UBA52: variants seen among roughly 807,000 people sequenced by gnomAD.
UBA52 encodes ubiquitin-ribosomal protein eL40 fusion protein.
A neutral mutation model predicts 15.3 loss-of-function variants in UBA52; 1 was observed. The observed-to-expected ratio is 0.07, with a 90% CI of 0.02 to 0.31. The LOEUF (loss-of-function observed/expected upper bound fraction) is 0.31. UBA52 is among the 10% of genes least tolerant of loss of function. The probability of loss-of-function intolerance (pLI) is 1.00; values close to 1 mark genes in which losing one functional copy is unlikely to be tolerated. For synonymous variants in UBA52, 50 were observed against 58.3 expected (o/e 0.86, Z 0.65); for missense variants, 87 against 168.0 (o/e 0.52, Z 2.66).
At chr19:18,572,875 A>T (rs1975571767) in intron 1 of UBA52, 1 of 1,055,504 alleles carries the variant, frequency 9.5e-7, no homozygotes, top group South Asian at 3.0e-5. Context: ...CAGCAGGAGC[A>T]GCCTGTGCAG....
upstream of UBA52, chr19:18,569,347 A>T (rs1975407077): frequency 1.3e-5 from 2 of 152,640 alleles, no homozygotes; most frequent in South Asian, 2.1e-4. Context: ...GGAAGTTATC[A>T]ATAAAAAGAC....
upstream of UBA52, chr19:18,567,339 G>C: frequency 2.8e-6 from 2 of 713,148 alleles, no homozygotes; most frequent in South Asian, 3.3e-5. Context: ...TGCTGGCCTG[G>C]TCCTGTCAGC....
the UBA52 span, chr19:18,565,230 GTTT>G: frequency 8.2e-4 from 889 of 1,086,816 alleles, no homozygotes; most frequent in South Asian, 2.1e-3. Context: ...TCGAGACAGA[GTTT>G]TTTTTTTTTT....
At chr19:18,568,335 A>G, upstream of UBA52, 1 of 1,207,800 alleles carries the variant, frequency 8.3e-7, no homozygotes, top group Admixed American at 1.8e-5. Context: ...GGTCACATGG[A>G]CAATAAGTCC....
chr19:18,564,993 G>A, the UBA52 span: 1 of 1,608,206 alleles, frequency 6.2e-7, no homozygotes, highest in Non-Finnish European at 8.5e-7. Context: ...GATGAAACGG[G>A]ACCTGGACAG....
upstream of UBA52, among the ~76,000 whole-genome samples, chr19:18,570,630 G>C (rs1235808149): frequency 2.0e-5 from 3 of 148,946 alleles, no homozygotes; most frequent in Non-Finnish European, 4.4e-5. Context: ...TCCTGCCTCA[G>C]CCTCCTGAGT....
intron 1 of UBA52, 100 bp downstream of exon 1, chr19:18,572,009 G>C (rs1021105163): frequency 1.3e-5 from 2 of 152,352 alleles, no homozygotes; most frequent in Admixed American, 6.5e-5. Context: ...GGCCAGTCTC[G>C]GCAGGGTGGC....
chr19:18,568,585 T>G, upstream of UBA52: 1 of 1,613,174 alleles, frequency 6.2e-7, no homozygotes, highest in Non-Finnish European at 8.5e-7. Context: ...TCCCCAGCCA[T>G]CAACGGCCGC....
rs1296848312 is a variant in UBA52, at chr19:18,576,663, T to A, written c.*1513T>A. ...TGTTTAGTTTTGGTTTTTTATCACT[T>A]TTTTTTTTTTTTTTTGAGATGGAGC... On this transcript the variant is annotated 3_prime_UTR_variant, in exon 5 of 5. Coordinates refer to ENST00000442744, the MANE Select transcript of UBA52 (RefSeq NM_001033930.3). 6.9e-6 allele frequency: 1 copy of A among 145,482 alleles called. No homozygotes were observed. Among genetic ancestry groups the A allele is most frequent in the Non-Finnish European group, 1.5e-5 (1 of 66,400 alleles). 9.0% of individuals were successfully genotyped at this position (145,482 alleles called of 1,614,324 possible).
chr19:18,572,921 G>A, intron 1 of UBA52: 6 of 1,096,902 alleles, frequency 5.5e-6, no homozygotes, highest in South Asian at 4.8e-5. Flanking sequence ...GGGTGGGACC[G>A]CCTTCAGGGA....
chr19:18,570,982 C>G (rs1975459603), upstream of UBA52, among the ~76,000 whole-genome samples: 1 of 151,630 alleles, frequency 6.6e-6, no homozygotes, highest in South Asian at 2.1e-4. Flanking sequence ...CCAGGTCCCG[C>G]CCTGGCACTT....
rs1975812796 is a variant in UBA52, at chr19:18,576,975, A to ATTTTATTTTTTTTTTT, written c.*1829_*1830insATTTTTTTTTTTTTTT. On this transcript the variant is annotated 3_prime_UTR_variant, in exon 5 of 5. Coordinates refer to ENST00000442744, the MANE Select transcript of UBA52 (RefSeq NM_001033930.3). Reference sequence around the variant, plus strand: ...AAGCCACAGCGCCTGGCCTTGCTACATTTTTTTTTTTTTTTTTTTTTTTAC... The same window carrying ATTTTATTTTTTTTTTT: ...AAGCCACAGCGCCTGGCCTTGCTACATTTTATTTTTTTTTTTTTTTTTTTTTTTTTTTTTTTTTTAC... 8.8e-6 allele frequency: 1 copy of ATTTTATTTTTTTTTTT among 113,060 alleles called. No homozygotes were observed. The highest frequency in any genetic ancestry group is 1.8e-5 in the Non-Finnish European group (1 of 56,918). The allele number at this position is 113,060 out of a possible 1,614,324, so 7.0% of individuals were successfully genotyped here.
At chr19:18,568,564 T>A (rs775669060), upstream of UBA52, 1 of 1,613,800 alleles carries the variant, frequency 6.2e-7, no homozygotes, top group South Asian at 1.1e-5. Context: ...CTGTCCCATG[T>A]CCAGCCTGGC....
the UBA52 span, chr19:18,564,941 G>A: frequency 1.2e-6 from 2 of 1,613,490 alleles, no homozygotes; most frequent in Non-Finnish European, 1.7e-6. Flanking sequence ...GCCTGCAGCA[G>A]ATGAGCGAAC....
At chr19:18,574,235 G>A (rs1237499454) in intron 3 of UBA52, among the ~76,000 whole-genome samples, 4 of 149,274 alleles carry the variant, frequency 2.7e-5, no homozygotes, top group Non-Finnish European at 5.9e-5. Context: ...AAGTCATAAT[G>A]TGAATTTTTT....
rs1301351877 is a variant in UBA52 at position 18,575,053 on chromosome 19, G to A, written c.294-4G>A. On this transcript the variant is annotated splice_region_variant and splice_polypyrimidine_tract_variant and intron_variant, in intron 4 of 4. Transcript: ENST00000442744. ...CCTCACCCACCCCTCCTGTCTCTGT[G>A]CAGGTGCTATGCTCGCCTTCACCCT... The A allele has an allele frequency of 6.2e-7, 1 of 1,614,212 alleles. No individual in the cohort carries two copies. The highest frequency in any genetic ancestry group is 8.5e-7 in the Non-Finnish European group (1 of 1,180,032).
At chr19:18,570,507 C>CCTTTTTTTTTTTTTT (rs1555752290), upstream of UBA52, among the ~76,000 whole-genome samples, 2 of 44,786 alleles carry the variant, frequency 4.5e-5, 1 homozygote, top group Non-Finnish European at 1.0e-4. Flanking sequence ...CGCCGTGGCA[C>CCTTTTTTTTTTTTTT]TTTTTTTTTT....
intron 1 of UBA52, 170 bp from the exon 2 acceptor site, chr19:18,573,123 G>A: frequency 1.7e-6 from 2 of 1,147,822 alleles, no homozygotes; most frequent in Non-Finnish European, 2.4e-6. Flanking sequence ...GGGTGTGTGA[G>A]AAGCCTAGCA....
chr19:18,573,028 CTG>C lies in UBA52; in HGVS notation c.-8-261_-8-260del, dbSNP rs990792628. ...TAAACCTAAGGAGAATAACCACAGT[CTG>C]TGTTCCTGAAGAGCACCCGTGCGGT... On this transcript the variant is annotated intron_variant, in intron 1 of 4. Transcript: ENST00000442744. The C allele has an allele frequency of 2.7e-4, 348 of 1,307,744 alleles. 1 individual carries two copies. The highest frequency in any genetic ancestry group is 9.2e-4 in the Middle Eastern group (3 of 3,244). The allele number at this position is 1,307,744 out of a possible 1,614,324, so 81.0% of individuals were successfully genotyped here.
Sources: allele counts gnomAD v4.1 joint callset (sites outside exome capture counted in the v4.1 genomes callset), GRCh38; gene constraint gnomAD v4.1.1; transcripts MANE v1.5; gene names NCBI Gene and HGNC (gene_info 2026-07-23, HGNC 2026-07-21).